Variants in MGAM observed in about 807,000 individuals in gnomAD.
MGAM encodes the protein alpha-1,4-glucosidase.
Under a neutral mutation model 358.8 loss-of-function variants are expected in MGAM, and 253 were observed. The ratio of observed to expected loss-of-function variants is 0.71; its 90% confidence interval spans 0.64 to 0.78. MGAM has a LOEUF of 0.78. Ranked by LOEUF, MGAM falls within the 30% of genes least tolerant of loss-of-function variation. MGAM has a pLI of 0.00. For synonymous variants in MGAM, 1,105 were observed against 1,227.1 expected (o/e 0.90, Z 2.08); for missense variants, 3,080 against 3,432.6 (o/e 0.90, Z 2.57).
intron 1 of MGAM, among the ~76,000 whole-genome samples, chr7:141,996,473 G>A (rs1366894719): frequency 1.3e-5 from 2 of 152,092 alleles, no homozygotes; most frequent in Non-Finnish European, 2.9e-5. Flanking sequence ...CCTGATTGTA[G>A]TGAAACCTGT....
chr7:142,044,736 A>G, intron 21 of MGAM, among the ~76,000 whole-genome samples: 1 of 94,412 alleles, frequency 1.1e-5, no homozygotes, highest in East Asian at 2.5e-4. Context: ...AATGAATATT[A>G]TATACACGTG....
intron 38 of MGAM, 35 bp from the exon 39 acceptor site, chr7:142,065,553 A>G (rs1266337211): frequency 1.9e-6 from 3 of 1,613,818 alleles, no homozygotes; most frequent in African/African-American, 2.7e-5. Flanking sequence ...AGATCATGAG[A>G]GCCTGGTGTG....
chr7:142,060,658 G>A (rs1362250128), intron 34 of MGAM, among the ~76,000 whole-genome samples: 2 of 152,242 alleles, frequency 1.3e-5, no homozygotes, highest in African/African-American at 4.8e-5. Context: ...TCAATTCCAA[G>A]GCTGTCAGAT....
At position 142,065,655 on chromosome 7, in the gene MGAM, G is replaced by A. The variant is rs574379472; in HGVS notation, c.4653+33G>A. The A allele has an allele frequency of 4.3e-6, 7 of 1,612,680 alleles. No individual in the cohort carries two copies. The South Asian group carries it at 7.7e-5, about 18-fold the overall frequency. Reference sequence around the variant, plus strand: ...TCCTTGGGATCCTCCTAAGCACCAAGAAGGTGGGGACATCTTTCAGAAATC... The same window carrying A: ...TCCTTGGGATCCTCCTAAGCACCAAAAAGGTGGGGACATCTTTCAGAAATC... On this transcript the variant is annotated intron_variant, in intron 39 of 70. Transcript: ENST00000475668.
At chr7:142,034,512 G>A in intron 15 of MGAM, 133 bp downstream of exon 15, 1 of 959,268 alleles carries the variant, frequency 1.0e-6, no homozygotes, top group Admixed American at 2.7e-5. Context: ...AACATTTAAT[G>A]ATACAGAATG....
At chr7:141,994,773 C>T (rs1804109760), upstream of MGAM, among the ~76,000 whole-genome samples, 1 of 152,190 alleles carries the variant, frequency 6.6e-6, no homozygotes, top group South Asian at 2.1e-4. Context: ...GCAGTTTTCC[C>T]TGCTCTTGCT....
intron 57 of MGAM, among the ~76,000 whole-genome samples, chr7:142,088,804 T>A (rs57448451): frequency 2.1e-4 from 26 of 125,808 alleles, no homozygotes; most frequent in East Asian, 1.0e-3. Context: ...TATCTATCAT[T>A]CTATCCTATC....
At chr7:142,002,530 TA>T (rs1222950870) in intron 1 of MGAM, among the ~76,000 whole-genome samples, 18 of 150,664 alleles carry the variant, frequency 1.2e-4, no homozygotes, top group African/African-American at 2.7e-4. Context: ...CATTCCTTCA[TA>T]AAAAAAAACC....
chr7:142,009,519 T>C (rs976974936), intron 3 of MGAM, among the ~76,000 whole-genome samples: 1 of 152,188 alleles, frequency 6.6e-6, no homozygotes, highest in Non-Finnish European at 1.5e-5. Flanking sequence ...TATGTCACAC[T>C]ACTGCAACAC....
In MGAM at chr7:142,048,908, A is replaced by G. The variant is rs552323566; in HGVS notation, c.2587+1035A>G. 7.2e-5 allele frequency among the ~76,000 whole-genome samples: 11 copies of G among 152,338 alleles called. No individual in the cohort carries two copies. In the East Asian group the frequency reaches 2.1e-3, roughly 29 times the overall value. ...ATAGGCATAGTATAATGATTACCAC[A>G]GCTATTTTAAGGAACAGATCCATCA... On this transcript the variant is annotated intron_variant, in intron 22 of 70. Coordinates refer to ENST00000475668, the MANE Select transcript of MGAM (RefSeq NM_001365693.1).
chr7:142,032,483 G>A (rs1215105757), intron 13 of MGAM, among the ~76,000 whole-genome samples: 5 of 151,906 alleles, frequency 3.3e-5, no homozygotes, highest in African/African-American at 1.2e-4. Context: ...ATGTTTATAT[G>A]TATTTATATG....
In MGAM at chr7:142,034,723, C is replaced by A; in HGVS notation, c.1841C>A (p.Thr614Asn). The change falls in exon 16 of 71, where the codon ACC becomes AAC. Residue 614 changes from threonine to asparagine, a missense_variant. Physicochemically the swap from Thr to Asn is moderately conservative, Grantham distance 65. Transcript: ENST00000475668. ...NKRSFILTRS[T>N]FAGSGKFAAH... The stretch of plus-strand genomic sequence containing the variant: ...AGAAGCTTCATTCTGACCCGTTCTA[C>A]CTTTGCGGGCTCTGGCAAGTTTGCA... 5.6e-6 allele frequency: 9 copies of A among 1,613,644 alleles called. No homozygotes were observed. Among genetic ancestry groups the A allele is most frequent in the Non-Finnish European group, 7.6e-6 (9 of 1,179,664 alleles).
At chr7:141,987,879 G>A (rs782774416) in intron 2 of MGAM, among the ~76,000 whole-genome samples, 1 of 152,166 alleles carries the variant, frequency 6.6e-6, no homozygotes, top group Non-Finnish European at 1.5e-5. Context: ...ACCACTATAT[G>A]AGTGACCTTT....
chr7:142,088,349 C>T lies in MGAM; in HGVS notation c.6810+1632C>T, dbSNP rs748299531. 8.9e-5 allele frequency among the ~76,000 whole-genome samples: 13 copies of T among 146,052 alleles called. 2 individuals are homozygous for T. Among genetic ancestry groups the T allele is most frequent in the Admixed American group, 1.4e-4 (2 of 14,532 alleles). ...GGCTGGTTTTGAAGATTGGCAAGAACGAGTCAGACTCAGTTCAAGGCTGTT... is the reference window on the plus strand; with the variant it reads ...GGCTGGTTTTGAAGATTGGCAAGAATGAGTCAGACTCAGTTCAAGGCTGTT... On this transcript the variant is annotated intron_variant, in intron 57 of 70. Coordinates refer to ENST00000475668, the MANE Select transcript of MGAM (RefSeq NM_001365693.1).
intron 43 of MGAM, among the ~76,000 whole-genome samples, chr7:142,069,770 G>A (rs1209523275): frequency 6.9e-6 from 1 of 145,650 alleles, no homozygotes; most frequent in African/African-American, 2.4e-5. Context: ...AGGAAGAGGT[G>A]GCCAGCTTTC....
rs1221184131 is a variant in MGAM at position 142,045,821 on chromosome 7, G to A, written c.2499-1964G>A. Among the ~76,000 whole-genome samples, 82 of 108,024 alleles carry A rather than the reference G, an allele frequency of 7.6e-4. 17 individuals are homozygous for A. Among genetic ancestry groups the A allele is most frequent in the African/African-American group, 2.8e-3 (75 of 26,800 alleles). 70.9% of individuals were successfully genotyped at this position (108,024 alleles called of 152,430 possible). Reference sequence around the variant, plus strand: ...ATATACATACAATGTATGAATATATGATATATATTATATATACATACAATA... The same window carrying A: ...ATATACATACAATGTATGAATATATAATATATATTATATATACATACAATA... On this transcript the variant is annotated intron_variant, in intron 21 of 70. Transcript: ENST00000475668.
Position 142,078,982 on chromosome 7 carries a change from C to G in MGAM, c.5821C>G (p.His1941Asp), listed in dbSNP as rs770595837. The change falls in exon 49 of 71, where the codon CAT becomes GAT. Residue 1941 changes from histidine to aspartate, a missense_variant. Transcript: ENST00000475668. The stretch of plus-strand genomic sequence containing the variant: ...CCCCCTTCGCCTGGATGTCACTTAC[C>G]ATAAGAATGAAATGCTACAGTTCAA... ...VNPLRLDVTY[H>D]KNEMLQFKIY... The G allele has an allele frequency of 1.3e-6, 2 of 1,555,024 alleles. No individual in the cohort carries two copies. The highest frequency in any genetic ancestry group is 2.7e-5 in the African/African-American group (2 of 74,468).
At chr7:142,063,454 T>A in intron 35 of MGAM, 45 bp from the exon 36 acceptor site, 1 of 1,591,434 alleles carries the variant, frequency 6.3e-7, no homozygotes, top group Admixed American at 1.8e-5. Context: ...TGGCAGGACG[T>A]AATTATCTTA....
chr7:142,063,660 G>A (rs1239760173), intron 36 of MGAM, 74 bp downstream of exon 36: 1 of 1,523,400 alleles, frequency 6.6e-7, no homozygotes, highest in Non-Finnish European at 9.0e-7. Context: ...CGAGGCCAGG[G>A]GCAGCCCCAC....
Sources: gnomAD v4.1 joint callset for allele counts (sites outside exome capture counted in the v4.1 genomes callset) on GRCh38, gnomAD v4.1.1 for gene constraint, MANE v1.5 for transcripts, NCBI Gene and HGNC (gene_info 2026-07-23, HGNC 2026-07-21) for gene names.